BCL2: variants seen among roughly 807,000 people sequenced by gnomAD.
The protein encoded by BCL2 is BCL2 apoptosis regulator, also known as apoptosis regulator Bcl-2.
Under a neutral mutation model 14.2 loss-of-function variants are expected in BCL2, and 1 was observed. That is an observed-to-expected ratio of 0.07 (90% confidence interval 0.02 to 0.33). BCL2 has a LOEUF of 0.33. Among genes scored for constraint, BCL2 ranks in the 10% least tolerant of loss-of-function variants. The probability of loss-of-function intolerance (pLI) is 0.99; values close to 1 mark genes in which losing one functional copy is unlikely to be tolerated. For missense variants in BCL2, 247 were observed against 305.9 expected (o/e 0.81, Z 1.44); for synonymous variants, 151 against 137.2 (o/e 1.10, Z -0.70).
At position 63,149,851 on chromosome 18, in the gene BCL2, T is replaced by TTATA. The variant is rs1407381646; in HGVS notation, c.586-21093_586-21092insTATA. Among the ~76,000 whole-genome samples, 842 of 90,332 alleles carry TTATA rather than the reference T, an allele frequency of 9.3e-3. 10 individuals carry two copies. The highest frequency in any genetic ancestry group is 0.029 in the African/African-American group (809 of 27,694). The allele number at this position is 90,332 out of a possible 152,430, so 59.3% of individuals were successfully genotyped here. A position where few individuals can be genotyped will look rare whatever the true frequency, so the allele number is the denominator to read the frequency against. ...GGTTCTCCTGACATGAGGCATTTAT[T>TTATA]TATTTATTTATTTATTTATTTATTT... On this transcript the variant is annotated intron_variant, in intron 2 of 2. Coordinates refer to ENST00000333681, the MANE Select transcript of BCL2 (RefSeq NM_000633.3). The surrounding 1 kb of genome is among the most constrained non-coding windows in gnomAD (Gnocchi z 4.2).
At position 63,318,347 on chromosome 18, in the gene BCL2, CGGCGGGAGA is replaced by C; in HGVS notation, c.311_319del (p.Phe104_Arg107delinsCys). Reference sequence around the variant, plus strand: ...CATCTCGGCGAAGTCGCGGCGGTAGCGGCGGGAGAAGTCGTCGCCGGCCTGGCGGAGGGT... The same window carrying C: ...CATCTCGGCGAAGTCGCGGCGGTAGCAGTCGTCGCCGGCCTGGCGGAGGGT... On this transcript the variant is annotated inframe_deletion, in exon 2 of 3. Coordinates refer to ENST00000333681, the MANE Select transcript of BCL2 (RefSeq NM_000633.3). This position sits in a 1 kb window ranked among gnomAD's most constrained non-coding sequence, Gnocchi z 7.4. The C allele has an allele frequency of 6.2e-7, 1 of 1,610,874 alleles. No homozygotes were observed. The highest frequency in any genetic ancestry group is 8.5e-7 in the Non-Finnish European group (1 of 1,177,994).
Position 63,301,975 on chromosome 18 carries a change from T to C in BCL2, c.585+16107A>G, listed in dbSNP as rs145795755. On this transcript the variant is annotated intron_variant, in intron 2 of 2. Coordinates refer to ENST00000333681, the MANE Select transcript of BCL2 (RefSeq NM_000633.3). ...TATTACAATGTTGGGTTATGTCTTA[T>C]AAATGAAATATTTTAGGTAATATTG... Among the ~76,000 whole-genome samples the C allele has an allele frequency of 2.6e-3, 403 of 152,358 alleles. 2 individuals are homozygous for C. Among genetic ancestry groups the C allele is most frequent in the African/African-American group, 9.0e-3 (375 of 41,574 alleles).
At chr18:63,277,839 A>C (rs927251646) in intron 2 of BCL2, among the ~76,000 whole-genome samples, 60 of 152,136 alleles carry the variant, frequency 3.9e-4, no homozygotes, top group Non-Finnish European at 1.9e-4. Flanking sequence ...AAAAATAACT[A>C]TATTTTCAGG....
At chr18:63,204,987 G>A (rs1909796199) in intron 2 of BCL2, among the ~76,000 whole-genome samples, 1 of 152,202 alleles carries the variant, frequency 6.6e-6, no homozygotes, top group Non-Finnish European at 1.5e-5. Flanking sequence ...TCTGATGGAA[G>A]AGCGAGTAGT....
At position 63,318,812 on chromosome 18, in the gene BCL2, A is replaced by T. The variant is rs1913598845; in HGVS notation, c.-146T>A. ...CTTGGACGAGGGGGTGTCTTCAATC[A>T]CGCGGAACACTTGATTCTGGTGTTT... On this transcript the variant is annotated 5_prime_UTR_variant, in exon 2 of 3. Coordinates refer to ENST00000333681, the MANE Select transcript of BCL2 (RefSeq NM_000633.3). This position sits in a 1 kb window ranked among gnomAD's most constrained non-coding sequence, Gnocchi z 7.4. The T allele has an allele frequency of 1.4e-6, 2 of 1,447,000 alleles. No homozygotes were observed. The highest frequency in any genetic ancestry group is 1.8e-6 in the Non-Finnish European group (2 of 1,099,076). The allele number at this position is 1,447,000 out of a possible 1,614,324, so 89.6% of individuals were successfully genotyped here.
At chr18:63,233,432 C>T (rs140406379) in intron 2 of BCL2, among the ~76,000 whole-genome samples, 58 of 152,298 alleles carry the variant, frequency 3.8e-4, no homozygotes, top group African/African-American at 1.3e-3. Flanking sequence ...TGGTCCCCAA[C>T]CTTTCTGGCA....
chr18:63,239,467 C>T (rs748513678), intron 2 of BCL2, among the ~76,000 whole-genome samples: 5 of 152,148 alleles, frequency 3.3e-5, no homozygotes, highest in South Asian at 2.1e-4. Context: ...TCAGGCCAGG[C>T]GCAGTGACTC....
chr18:63,256,460 G>T (rs1290283392), intron 2 of BCL2, among the ~76,000 whole-genome samples: 1 of 152,140 alleles, frequency 6.6e-6, no homozygotes, highest in Non-Finnish European at 1.5e-5. Flanking sequence ...CGAGTGATCT[G>T]CCCGCCTTGA....
At chr18:63,154,024 C>T (rs1914714669) in intron 2 of BCL2, among the ~76,000 whole-genome samples, 1 of 152,172 alleles carries the variant, frequency 6.6e-6, no homozygotes, top group Non-Finnish European at 1.5e-5. Flanking sequence ...CCCTAGTTTG[C>T]GACCAAACAG....
At chr18:63,266,555 T>G (rs1204876237) in intron 2 of BCL2, among the ~76,000 whole-genome samples, 1 of 150,876 alleles carries the variant, frequency 6.6e-6, no homozygotes, top group African/African-American at 2.4e-5. Flanking sequence ...TATAATTTAT[T>G]ATATATTAAA....
At chr18:63,168,885 G>T (rs993534249) in intron 2 of BCL2, among the ~76,000 whole-genome samples, 21 of 152,234 alleles carry the variant, frequency 1.4e-4, no homozygotes, top group African/African-American at 5.1e-4. Context: ...CCAAAGTGGG[G>T]AGCCATTCTC....
intron 2 of BCL2, among the ~76,000 whole-genome samples, chr18:63,223,819 G>A (rs1029992157): frequency 2.6e-5 from 4 of 152,182 alleles, no homozygotes; most frequent in African/African-American, 7.2e-5. Context: ...AGTCCCTCAC[G>A]CATCCTCAGA....
intron 2 of BCL2, among the ~76,000 whole-genome samples, chr18:63,184,526 T>C (rs996703218): frequency 6.6e-6 from 1 of 152,240 alleles, no homozygotes; most frequent in African/African-American, 2.4e-5. Context: ...AGCTCTGCTT[T>C]GCACCAATCT....
At chr18:63,237,513 A>G (rs1315292631) in intron 2 of BCL2, among the ~76,000 whole-genome samples, 4 of 152,232 alleles carry the variant, frequency 2.6e-5, no homozygotes, top group Non-Finnish European at 4.4e-5. Flanking sequence ...CTCCCAAGGC[A>G]TATGATTCTG....
At chr18:63,196,256 A>T (rs1034494570) in intron 2 of BCL2, among the ~76,000 whole-genome samples, 5 of 152,238 alleles carry the variant, frequency 3.3e-5, no homozygotes, top group African/African-American at 4.8e-5. Flanking sequence ...TCAGAGTAAG[A>T]GGAAATCAAT....
At chr18:63,189,477 T>C (rs1158020279) in intron 2 of BCL2, among the ~76,000 whole-genome samples, 2 of 152,192 alleles carry the variant, frequency 1.3e-5, no homozygotes, top group Non-Finnish European at 1.5e-5. Context: ...CCCTTAACTA[T>C]GTAGGAAGAG....
chr18:63,150,602 T>C (rs990124743), intron 2 of BCL2, among the ~76,000 whole-genome samples: 2 of 152,244 alleles, frequency 1.3e-5, no homozygotes, highest in Non-Finnish European at 2.9e-5. Flanking sequence ...ATCACTTCTA[T>C]GTATTTTCCG....
intron 2 of BCL2, among the ~76,000 whole-genome samples, chr18:63,206,825 A>G (rs1439189372): frequency 1.3e-5 from 2 of 151,922 alleles, no homozygotes; most frequent in East Asian, 3.9e-4. Context: ...GGACTAGAGT[A>G]GGTGGAGGCA....
chr18:63,307,886 C>G (rs1913190311), intron 2 of BCL2, among the ~76,000 whole-genome samples: 1 of 152,192 alleles, frequency 6.6e-6, no homozygotes, highest in Non-Finnish European at 1.5e-5. Context: ...GGGGACAAAT[C>G]TACAAGCTGA....
Sources: gnomAD v4.1 joint callset for allele counts (sites outside exome capture counted in the v4.1 genomes callset) on GRCh38, gnomAD v4.1.1 for gene constraint, Gnocchi (gnomAD v3.1) non-coding constraint, MANE v1.5 for transcripts, NCBI Gene and HGNC (gene_info 2026-07-23, HGNC 2026-07-21) for gene names.